The following EML6 variants were observed in gnomAD, a reference collection of about 807,000 sequenced individuals.
The protein encoded by EML6 is echinoderm microtubule-associated protein-like 6.
A neutral mutation model predicts 240.1 loss-of-function variants in EML6; 154 were observed. That is an observed-to-expected ratio of 0.64 (90% confidence interval 0.56 to 0.73). EML6 has a LOEUF of 0.73. Ranked by LOEUF, EML6 falls within the 30% of genes least tolerant of loss-of-function variation. EML6 has a pLI of 0.00. For synonymous variants in EML6, 1,148 were observed against 899.0 expected (o/e 1.28, Z -4.95); for missense variants, 2,964 against 2,474.6 (o/e 1.20, Z -4.20).
At chr2:54,763,245 C>A (rs547726737) in intron 2 of EML6, among the ~76,000 whole-genome samples, 1 of 152,290 alleles carries the variant, frequency 6.6e-6, no homozygotes, top group East Asian at 1.9e-4. Flanking sequence ...TTACACTGAG[C>A]ATGAATAGTC....
intron 26 of EML6, among the ~76,000 whole-genome samples, chr2:54,922,184 C>G (rs983107046): frequency 6.6e-6 from 1 of 152,040 alleles, no homozygotes; most frequent in Non-Finnish European, 1.5e-5. Context: ...GGTTAATATA[C>G]AAAATATATA....
intron 7 of EML6, among the ~76,000 whole-genome samples, chr2:54,840,126 CATAA>C (rs1310657894): frequency 1.3e-5 from 2 of 152,120 alleles, no homozygotes; most frequent in East Asian, 3.9e-4. Context: ...TGTAATAAAG[CATAA>C]ATAGATACTT....
chr2:54,893,809 T>C (rs1672609512), intron 19 of EML6, among the ~76,000 whole-genome samples: 1 of 152,202 alleles, frequency 6.6e-6, no homozygotes, highest in Admixed American at 6.5e-5. Context: ...GGTATGCAAC[T>C]GTAACGGTTG....
At chr2:54,746,872 C>T (rs748683508) in intron 2 of EML6, among the ~76,000 whole-genome samples, 24 of 152,188 alleles carry the variant, frequency 1.6e-4, no homozygotes, top group Middle Eastern at 3.4e-3. Context: ...TACTGTGCCA[C>T]GAGTGATCAG....
At chr2:54,949,058 CGGAGTAGGTCCCTT>C in intron 29 of EML6, 98 bp downstream of exon 29, 1 of 879,330 alleles carries the variant, frequency 1.1e-6, no homozygotes, top group Non-Finnish European at 1.8e-6. Context: ...TCAAATGAAA[CGGAGTAGGTCCCTT>C]GGGCTCTCTT....
chr2:54,769,838 A>G (rs1034053982), intron 2 of EML6, among the ~76,000 whole-genome samples: 2 of 152,180 alleles, frequency 1.3e-5, no homozygotes, highest in East Asian at 3.8e-4. Context: ...GGACTTGTTA[A>G]TCTTGCATAA....
At chr2:54,905,110 C>T (rs889689540) in intron 24 of EML6, among the ~76,000 whole-genome samples, 1 of 152,112 alleles carries the variant, frequency 6.6e-6, no homozygotes, top group African/African-American at 2.4e-5. Context: ...GCTGGCCAGA[C>T]AAAGTGCCGA....
chr2:54,960,446 C>T, intron 35 of EML6, 112 bp downstream of exon 35: 1 of 744,448 alleles, frequency 1.3e-6, no homozygotes. Flanking sequence ...AACAAGGCCT[C>T]AATACATGAA....
intron 13 of EML6, among the ~76,000 whole-genome samples, chr2:54,864,673 A>G (rs1185910723): frequency 6.6e-6 from 1 of 152,236 alleles, no homozygotes; most frequent in Non-Finnish European, 1.5e-5. Context: ...GATTTAAGAT[A>G]TAGGCCTATG....
chr2:54,868,362 TATG>T (rs1198673892), intron 14 of EML6: 4 of 152,232 alleles, frequency 2.6e-5, no homozygotes, highest in Non-Finnish European at 4.4e-5. Context: ...ATTATTTTAA[TATG>T]ATGGATTGGT....
intron 2 of EML6, among the ~76,000 whole-genome samples, chr2:54,745,967 A>C (rs1683894024): frequency 6.6e-6 from 1 of 152,150 alleles, no homozygotes; most frequent in South Asian, 2.1e-4. Context: ...GGGAGGAGCG[A>C]AAGACTCTGC....
intron 39 of EML6, among the ~76,000 whole-genome samples, chr2:54,967,723 C>A (rs1172454325): frequency 6.6e-6 from 1 of 152,152 alleles, no homozygotes; most frequent in East Asian, 1.9e-4. Flanking sequence ...TACTGAATTA[C>A]ATAAAACAGC....
intron 25 of EML6, among the ~76,000 whole-genome samples, chr2:54,915,132 T>C (rs540788829): frequency 1.3e-5 from 2 of 152,232 alleles, no homozygotes; most frequent in Non-Finnish European, 2.9e-5. Flanking sequence ...CCCTTTTGCA[T>C]TGACGGATTA....
chr2:54,937,883 G>C (rs990636328), intron 28 of EML6, among the ~76,000 whole-genome samples: 4 of 152,104 alleles, frequency 2.6e-5, no homozygotes, highest in Admixed American at 2.0e-4. Flanking sequence ...TACAAGAGTT[G>C]GGTCAATGAG....
At position 54,964,617 on chromosome 2, in the gene EML6, A is replaced by G. The variant is rs1558733441; in HGVS notation, c.5377A>G (p.Thr1793Ala). 3.9e-6 allele frequency: 6 copies of G among 1,552,418 alleles called. 1 individual carries two copies. In the South Asian group the frequency reaches 7.1e-5, roughly 18 times the overall value. The change falls in exon 38 of 42, where the codon ACA (threonine) becomes GCA (alanine). Residue 1793 changes from threonine to alanine, a missense_variant. Coordinates refer to ENST00000356458, the MANE Select transcript of EML6 (RefSeq NM_001039753.4). The part of the protein sequence containing the change: ...RFLAVGSSEH[T>A]VDFYDLTQGT... ...CTTAGCCGTTGGTTCTTCTGAACAC[A>G]CAGTTGACTTCTATGACCTCACTCA...
intron 28 of EML6, among the ~76,000 whole-genome samples, chr2:54,942,652 C>T (rs2104452158): frequency 6.6e-6 from 1 of 152,264 alleles, no homozygotes; most frequent in East Asian, 1.9e-4. Context: ...TCTTCTGCCC[C>T]TTCCTGTTCT....
At chr2:54,821,461 C>A (rs557593719) in intron 5 of EML6, among the ~76,000 whole-genome samples, 4 of 152,222 alleles carry the variant, frequency 2.6e-5, no homozygotes, top group Admixed American at 2.0e-4. Context: ...TATCATTTAT[C>A]TCCAAATTTA....
chr2:54,887,311 C>G (rs753372994), intron 17 of EML6, among the ~76,000 whole-genome samples: 1 of 152,204 alleles, frequency 6.6e-6, no homozygotes, highest in Non-Finnish European at 1.5e-5. Context: ...TTTTATCATT[C>G]ATTCTTCACG....
At chr2:54,890,158 T>C (rs1396243161) in intron 17 of EML6, among the ~76,000 whole-genome samples, 2 of 152,252 alleles carry the variant, frequency 1.3e-5, no homozygotes, top group Non-Finnish European at 2.9e-5. Flanking sequence ...ATGATTTTTC[T>C]CTTTACATCT....
Sources: gnomAD v4.1 joint callset for allele counts (sites outside exome capture counted in the v4.1 genomes callset) on GRCh38, gnomAD v4.1.1 for gene constraint, MANE v1.5 for transcripts, NCBI Gene and HGNC (gene_info 2026-07-23, HGNC 2026-07-21) for gene names.